The following STRBP variants were observed in gnomAD, a reference collection of about 807,000 sequenced individuals.
STRBP encodes the protein spermatid perinuclear RNA-binding protein.
STRBP carries 13 observed loss-of-function variants against 80.1 expected under a neutral mutation model. That is an observed-to-expected ratio of 0.16 (90% CI 0.11 to 0.26). The LOEUF (loss-of-function observed/expected upper bound fraction) is 0.26, where lower values mean the gene tolerates loss of function less well. Among genes scored for constraint, STRBP ranks in the 10% least tolerant of loss-of-function variants. The probability of loss-of-function intolerance (pLI) is 1.00; values close to 1 mark genes in which losing one functional copy is unlikely to be tolerated. For missense variants in STRBP, 485 were observed against 815.2 expected, an observed-to-expected ratio of 0.59 and a Z score of 4.93; for synonymous variants, 284 against 291.2, an observed-to-expected ratio of 0.98 and a Z score of 0.25.
chr9:123,183,204 G>A lies in STRBP; in HGVS notation c.3+928C>T, dbSNP rs562556255. 1.3e-4 allele frequency among the ~76,000 whole-genome samples: 20 copies of A among 152,122 alleles called. No individual in the cohort carries two copies. The South Asian group carries it at 3.3e-3, about 25-fold the overall frequency. ...TGTAATCCCAGCACTTTGGGAGGCT[G>A]AGGTGGGTGGATCACCTGAGGTCAG... is the stretch of plus-strand genomic sequence containing the variant. On this transcript the variant is annotated intron_variant, in intron 3 of 18. Coordinates refer to ENST00000348403, the MANE Select transcript of STRBP (RefSeq NM_018387.5).
intron 2 of STRBP, among the ~76,000 whole-genome samples, chr9:123,210,531 T>C (rs2039670820): frequency 6.6e-6 from 1 of 151,768 alleles, no homozygotes; most frequent in Non-Finnish European, 1.5e-5. Context: ...AGAAACATTA[T>C]TATAAAAAAT....
Position 123,115,516 on chromosome 9 carries a change from G to C in STRBP, c.*84+413C>G. On this transcript the variant is annotated intron_variant and NMD_transcript_variant, in intron 3 of 3. Coordinates refer to the STRBP transcript ENST00000471564. This position sits in a 1 kb window ranked among gnomAD's most constrained non-coding sequence, Gnocchi z 5.0. Reference sequence around the variant, plus strand: ...CCCTGTACTCTCCATCTGGGTCAATGATTTCACCTTCTACTCAGTTGTCTA... The same window carrying C: ...CCCTGTACTCTCCATCTGGGTCAATCATTTCACCTTCTACTCAGTTGTCTA... 1 of 380,862 alleles carries C rather than the reference G, an allele frequency of 2.6e-6. No individual in the cohort carries two copies. 23.6% of individuals were successfully genotyped at this position (380,862 alleles called of 1,614,324 possible).
intron 2 of STRBP, among the ~76,000 whole-genome samples, chr9:123,197,603 T>C (rs1264978116): frequency 6.7e-6 from 1 of 149,714 alleles, no homozygotes; most frequent in Admixed American, 6.7e-5. Context: ...GGCTTTCCAC[T>C]CCTGTGATAC....
At chr9:123,242,055 T>G (rs149041580) in intron 1 of STRBP, among the ~76,000 whole-genome samples, 400 of 152,312 alleles carry the variant, frequency 2.6e-3, no homozygotes, top group African/African-American at 8.5e-3. Context: ...CTGCCTGGAA[T>G]AGTCTTCTCC....
intron 8 of STRBP, 147 bp from the exon 9 acceptor site, chr9:123,159,354 A>T (rs2037425682): frequency 1.9e-6 from 1 of 521,588 alleles, no homozygotes; most frequent in Admixed American, 3.5e-5. Context: ...TTTCCCCATG[A>T]TTATCAACCT....
At chr9:123,264,316 C>A (rs962539137) in intron 1 of STRBP, among the ~76,000 whole-genome samples, 2 of 152,232 alleles carry the variant, frequency 1.3e-5, no homozygotes, top group Admixed American at 6.5e-5. Flanking sequence ...AGAATTCAAA[C>A]CAGCACTAAC....
At chr9:123,268,196 T>C (rs1281328598) in intron 1 of STRBP, among the ~76,000 whole-genome samples, 1 of 151,852 alleles carries the variant, frequency 6.6e-6, no homozygotes, top group East Asian at 2.0e-4. Flanking sequence ...CCCGCTGCCC[T>C]TGCCCGAAGC....
rs540157946 is a variant in STRBP at position 123,152,611 on chromosome 9, TA to T, written c.1046-4742del. On this transcript the variant is annotated intron_variant, in intron 11 of 18. Transcript: ENST00000348403. ...ACCCTAAGGGCATTATGCTGAGTGTTAAAAAAAAAAATCGCAAAAGGTCACT... is the reference window on the plus strand; with the variant it reads ...ACCCTAAGGGCATTATGCTGAGTGTTAAAAAAAAAATCGCAAAAGGTCACT... Among the ~76,000 whole-genome samples the T allele has an allele frequency of 1.1e-3, 163 of 147,862 alleles. 1 individual carries two copies. The highest frequency in any genetic ancestry group is 0.01 in the Middle Eastern group (3 of 286).
chr9:123,232,859 AC>A (rs1367567219), intron 2 of STRBP, among the ~76,000 whole-genome samples: 1 of 152,168 alleles, frequency 6.6e-6, no homozygotes, highest in African/African-American at 2.4e-5. Context: ...TCTGTAGAAG[AC>A]AGCTGATTCT....
intron 1 of STRBP, among the ~76,000 whole-genome samples, chr9:123,246,889 A>C (rs1451848592): frequency 1.3e-5 from 2 of 152,236 alleles, no homozygotes; most frequent in Non-Finnish European, 2.9e-5. Flanking sequence ...AGTAAAGGTA[A>C]GTCAATTCTT....
chr9:123,224,882 TA>T (rs1332278540), intron 2 of STRBP, among the ~76,000 whole-genome samples: 44 of 152,302 alleles, frequency 2.9e-4, no homozygotes, highest in African/African-American at 1.0e-3. Context: ...TAGAGAAACA[TA>T]TATATTTAAA....
In STRBP at chr9:123,122,423, A is replaced by G. The variant is rs2035760119; in HGVS notation, c.*3174T>C. ...TAATGGTGGCTGATTCATGATTTTC[A>G]AACATTCACCCAAAATTAAAAAAAA... On this transcript the variant is annotated 3_prime_UTR_variant, in exon 19 of 19. Transcript: ENST00000348403. 4.2e-6 allele frequency: 5 copies of G among 1,180,562 alleles called. No homozygotes were observed. Among genetic ancestry groups the G allele is most frequent in the Non-Finnish European group, 5.3e-6 (5 of 941,470 alleles). The allele number at this position is 1,180,562 out of a possible 1,614,324, so 73.1% of individuals were successfully genotyped here. A position where few individuals can be genotyped will look rare whatever the true frequency, so the allele number is the denominator to read the frequency against.
chr9:123,242,165 A>G lies in STRBP; in HGVS notation c.-301-5199T>C, dbSNP rs1057122831. ...CCTTCCCTGATCTAATCAATCAATT[A>G]GCCACCCCACTATTTCAAGGTCAAC... is the stretch of plus-strand genomic sequence containing the variant. On this transcript the variant is annotated intron_variant, in intron 1 of 18. Coordinates refer to ENST00000348403, the MANE Select transcript of STRBP (RefSeq NM_018387.5). Among the ~76,000 whole-genome samples the G allele has an allele frequency of 3.3e-5, 5 of 152,234 alleles. 1 individual carries two copies. Among genetic ancestry groups the G allele is most frequent in the African/African-American group, 1.2e-4 (5 of 41,468 alleles).
intron 2 of STRBP, among the ~76,000 whole-genome samples, chr9:123,204,389 A>G (rs1192143584): frequency 6.6e-6 from 1 of 152,210 alleles, no homozygotes; most frequent in Non-Finnish European, 1.5e-5. Flanking sequence ...CAAATCAAAG[A>G]GCAGGTGTAT....
At chr9:123,119,405 A>G (rs1214376653), downstream of STRBP, among the ~76,000 whole-genome samples, 2 of 115,416 alleles carry the variant, frequency 1.7e-5, no homozygotes, top group Admixed American at 2.3e-4. Context: ...CCGCCAAAAA[A>G]CAAGTATTTA....
intron 2 of STRBP, among the ~76,000 whole-genome samples, chr9:123,195,867 T>A (rs1211888849): frequency 6.6e-6 from 1 of 152,128 alleles, no homozygotes; most frequent in Non-Finnish European, 1.5e-5. Context: ...ATTTACACAG[T>A]ACCACCAAAG....
chr9:123,200,108 C>G (rs748014155), intron 2 of STRBP, among the ~76,000 whole-genome samples: 1 of 152,036 alleles, frequency 6.6e-6, no homozygotes, highest in Non-Finnish European at 1.5e-5. Flanking sequence ...TTGTCAAATG[C>G]TTTTTCTGCA....
intron 2 of STRBP, among the ~76,000 whole-genome samples, chr9:123,226,783 G>A (rs1010385598): frequency 6.6e-6 from 1 of 152,070 alleles, no homozygotes; most frequent in African/African-American, 2.4e-5. Flanking sequence ...GCGGGGTGGG[G>A]AGGAAGAGCA....
At chr9:123,267,490 T>G (rs1418185899) in intron 1 of STRBP, among the ~76,000 whole-genome samples, 1 of 151,470 alleles carries the variant, frequency 6.6e-6, no homozygotes, top group African/African-American at 2.4e-5. Flanking sequence ...TATCCTTACA[T>G]GTCAACCCCC....
Sources: allele counts gnomAD v4.1 joint callset (sites outside exome capture counted in the v4.1 genomes callset), GRCh38; gene constraint gnomAD v4.1.1; non-coding constraint Gnocchi (gnomAD v3.1); transcripts MANE v1.5; gene names NCBI Gene and HGNC (gene_info 2026-07-23, HGNC 2026-07-21).